Variants in NRG1 observed in about 807,000 individuals in gnomAD.
The protein encoded by NRG1 is neuregulin 1.
Under a neutral mutation model 63.8 loss-of-function variants are expected in NRG1, and 18 were observed. That is an observed-to-expected ratio of 0.28 (90% CI 0.19 to 0.42). The LOEUF (loss-of-function observed/expected upper bound fraction) is 0.42, where lower values mean the gene tolerates loss of function less well. NRG1 is among the 10% of genes least tolerant of loss of function. The pLI is 1.00. For missense variants in NRG1, 762 were observed against 814.7 expected, an observed-to-expected ratio of 0.94 and a Z score of 0.79; for synonymous variants, 302 against 301.3, an observed-to-expected ratio of 1.00 and a Z score of -0.02.
In NRG1 at chr8:32,694,790, CT is replaced by C. The variant is rs1214015850; in HGVS notation, c.503-33156del. ...TGACTTTGTAGTAAAATCAAAGGAG[CT>C]TTAGTGTGTACTCATTTTACAGATT... On this transcript the variant is annotated intron_variant, in intron 5 of 11. Coordinates refer to ENST00000356819, the Ensembl canonical transcript of NRG1. Among the ~76,000 whole-genome samples the C allele has an allele frequency of 2.0e-5, 3 of 152,234 alleles. No homozygotes were observed. The East Asian group carries it at 5.8e-4, about 29-fold the overall frequency.
intron 1 of NRG1, among the ~76,000 whole-genome samples, chr8:31,867,653 A>T (rs975145537): frequency 1.3e-5 from 2 of 152,172 alleles, no homozygotes; most frequent in African/African-American, 4.8e-5. Flanking sequence ...GGTATCACCA[A>T]ATATTAGCTG....
intron 1 of NRG1, among the ~76,000 whole-genome samples, chr8:31,918,558 G>C (rs1016616484): frequency 2.0e-5 from 3 of 152,256 alleles, no homozygotes; most frequent in Non-Finnish European, 4.4e-5. Flanking sequence ...AAGCCCACTT[G>C]ATCATGGTGG....
chr8:32,569,358 T>A (rs1282934114), intron 1 of NRG1, among the ~76,000 whole-genome samples: 1 of 152,178 alleles, frequency 6.6e-6, no homozygotes, highest in Non-Finnish European at 1.5e-5. Context: ...CAGGCCAAGA[T>A]GATTCTTGAA....
At chr8:32,564,440 A>C (rs1837054860) in intron 1 of NRG1, among the ~76,000 whole-genome samples, 1 of 152,194 alleles carries the variant, frequency 6.6e-6, no homozygotes, top group Non-Finnish European at 1.5e-5. Context: ...CACAGACAAA[A>C]CTTATAAGCT....
chr8:32,455,691 T>A (rs1821509711), intron 1 of NRG1, among the ~76,000 whole-genome samples: 1 of 152,208 alleles, frequency 6.6e-6, no homozygotes, highest in South Asian at 2.1e-4. Context: ...AATGACCAAA[T>A]GAGACTGATA....
At chr8:32,683,088 A>T (rs1269530525) in intron 5 of NRG1, among the ~76,000 whole-genome samples, 1 of 152,212 alleles carries the variant, frequency 6.6e-6, no homozygotes, top group Non-Finnish European at 1.5e-5. Context: ...CTGACTTTTT[A>T]AAATTAGTTT....
At chr8:32,430,063 A>G (rs979295105) in intron 1 of NRG1, among the ~76,000 whole-genome samples, 1 of 152,066 alleles carries the variant, frequency 6.6e-6, no homozygotes, top group Non-Finnish European at 1.5e-5. Flanking sequence ...CCTGTTCTTG[A>G]CTGTGCTATC....
intron 1 of NRG1, chr8:32,440,791 C>A (rs1046599321): frequency 1.3e-5 from 2 of 152,054 alleles, no homozygotes; most frequent in Non-Finnish European, 2.9e-5. Context: ...TGTATGCCAT[C>A]TTTGTATTAT....
chr8:31,756,554 C>G (rs1287309912), intron 1 of NRG1, among the ~76,000 whole-genome samples: 1 of 152,092 alleles, frequency 6.6e-6, no homozygotes, highest in African/African-American at 2.4e-5. Context: ...GTAAACTCCT[C>G]CTCCACAACT....
intron 1 of NRG1, among the ~76,000 whole-genome samples, chr8:32,061,000 A>G (rs1823756988): frequency 6.6e-6 from 1 of 151,886 alleles, no homozygotes; most frequent in South Asian, 2.1e-4. Flanking sequence ...CCAAAATAGC[A>G]CACCCTTTCT....
intron 1 of NRG1, among the ~76,000 whole-genome samples, chr8:31,772,571 G>A (rs1818730073): frequency 6.6e-6 from 1 of 152,162 alleles, no homozygotes; most frequent in Admixed American, 6.5e-5. Flanking sequence ...GACCCTCTGG[G>A]AAGGTAGGTG....
chr8:31,865,065 TC>T (rs571738486), intron 1 of NRG1, among the ~76,000 whole-genome samples: 42 of 152,322 alleles, frequency 2.8e-4, no homozygotes, highest in Admixed American at 7.9e-4. Context: ...TAACGAACGC[TC>T]CTTTCCTGGG....
At chr8:32,465,800 A>C (rs182451442) in intron 1 of NRG1, among the ~76,000 whole-genome samples, 1 of 152,364 alleles carries the variant, frequency 6.6e-6, no homozygotes, top group Admixed American at 6.5e-5. Context: ...TACAGCATAT[A>C]TAGTTCTTTG....
intron 1 of NRG1, among the ~76,000 whole-genome samples, chr8:31,907,536 A>T (rs986225832): frequency 4.6e-5 from 7 of 151,952 alleles, no homozygotes; most frequent in Non-Finnish European, 7.4e-5. Flanking sequence ...GCCTCTAAAA[A>T]CCTCCATCTT....
At chr8:32,760,815 G>A (rs778228910) in intron 11 of NRG1, 59 of 1,016,860 alleles carry the variant, frequency 5.8e-5, no homozygotes, top group Non-Finnish European at 6.8e-5. Flanking sequence ...CGGTGGTCGA[G>A]CTGGCCTCGT....
intron 1 of NRG1, among the ~76,000 whole-genome samples, chr8:32,571,762 C>T (rs1339870271): frequency 6.6e-6 from 1 of 152,008 alleles, no homozygotes; most frequent in African/African-American, 2.4e-5. Context: ...GAGTGACTTG[C>T]AATTAAGGTA....
intron 1 of NRG1, among the ~76,000 whole-genome samples, chr8:32,438,751 AT>A (rs1352518686): frequency 3.9e-5 from 6 of 152,072 alleles, no homozygotes; most frequent in African/African-American, 1.4e-4. Flanking sequence ...GTGATAGCTC[AT>A]TTTGGTTTTA....
intron 1 of NRG1, among the ~76,000 whole-genome samples, chr8:31,677,568 T>G (rs1340275838): frequency 6.6e-6 from 1 of 152,146 alleles, no homozygotes. Flanking sequence ...ATCATGCCAT[T>G]GCACTCCAGC....
In NRG1 at chr8:31,757,169, T is replaced by C. The variant is rs187155402; in HGVS notation, c.37+117738T>C. ...GGCTGTCTCAATACTGGAAATTTGTTGTCCTTTTTTTTCACACATTTTCTC... is the reference window on the plus strand; with the variant it reads ...GGCTGTCTCAATACTGGAAATTTGTCGTCCTTTTTTTTCACACATTTTCTC... On this transcript the variant is annotated intron_variant, in intron 1 of 10. Transcript: ENST00000519301. Among the ~76,000 whole-genome samples, 119 of 152,324 alleles carry C rather than the reference T, an allele frequency of 7.8e-4. 1 individual carries two copies. Among genetic ancestry groups the C allele is most frequent in the Admixed American group, 5.8e-3 (88 of 15,282 alleles).
Sources: allele counts gnomAD v4.1 joint callset (sites outside exome capture counted in the v4.1 genomes callset), GRCh38; gene constraint gnomAD v4.1.1; transcripts MANE v1.5; gene names NCBI Gene and HGNC (gene_info 2026-07-23, HGNC 2026-07-21).